Variants in ARRDC1 observed in about 807,000 individuals in gnomAD.
The protein encoded by ARRDC1 is arrestin domain-containing protein 1.
In ARRDC1, 37 loss-of-function variants were observed where a neutral mutation model predicts 40.1. The observed-to-expected ratio is 0.92, with a 90% confidence interval of 0.71 to 1.21. The LOEUF (loss-of-function observed/expected upper bound fraction) is 1.21, where lower values mean the gene tolerates loss of function less well. ARRDC1 is among the 50% of genes most tolerant of loss of function. The pLI is 0.00. For missense variants in ARRDC1, 641 were observed against 581.9 expected, an observed-to-expected ratio of 1.10 and a Z score of -1.04; for synonymous variants, 310 against 262.5, an observed-to-expected ratio of 1.18 and a Z score of -1.75.
chr9:137,606,172 C>G (rs567985915), intron 1 of ARRDC1, among the ~76,000 whole-genome samples: 1 of 152,064 alleles, frequency 6.6e-6, no homozygotes, highest in South Asian at 2.1e-4. Context: ...CACCCTGGCT[C>G]CCGGCGCAGG....
intron 2 of ARRDC1, chr9:137,613,243 C>A: frequency 1.3e-6 from 1 of 742,028 alleles, no homozygotes; most frequent in Non-Finnish European, 2.3e-6. Context: ...CTGTTTCACC[C>A]TTGCCCCATT....
rs1303910348 is a variant in ARRDC1 at position 137,612,926 on chromosome 9, G to C, written c.149G>C (p.Gly50Ala). Residue 50 changes from glycine (G) to alanine (A), a missense_variant, in exon 2 of 8, where the codon GGG becomes GCG. By Grantham distance (60) the Gly-to-Ala change is moderately conservative (BLOSUM62 0). Transcript: ENST00000371421. ...CGGGTGACCTGCATAGGTTCCTGCGGGGTCTCCAACAAGGCTAATGACACA... is the reference window on the plus strand; with the variant it reads ...CGGGTGACCTGCATAGGTTCCTGCGCGGTCTCCAACAAGGCTAATGACACA... ...AIRVTCIGSCGVSNKANDTAW... is the reference protein window; with the variant it reads ...AIRVTCIGSCAVSNKANDTAW... 6.2e-7 allele frequency: 1 copy of C among 1,613,982 alleles called. No individual in the cohort carries two copies. Among genetic ancestry groups the C allele is most frequent in the African/African-American group, 1.3e-5 (1 of 74,930 alleles).
rs1171622074 is a variant in ARRDC1 at position 137,613,837 on chromosome 9, G to A, written c.435+68G>A. 8.8e-6 allele frequency: 14 copies of A among 1,590,330 alleles called. No individual in the cohort carries two copies. In the East Asian group the frequency reaches 3.1e-4, roughly 36 times the overall value. The stretch of plus-strand genomic sequence containing the variant: ...ATGGAGGCTGGGGAAGAGCTGGGCA[G>A]GCACTGCTTCATCCCAGCGTCCTGT... On this transcript the variant is annotated intron_variant, in intron 4 of 7. Transcript: ENST00000371421.
intron 1 of ARRDC1, among the ~76,000 whole-genome samples, chr9:137,606,801 G>T (rs985615708): frequency 6.6e-6 from 1 of 152,252 alleles, no homozygotes; most frequent in Non-Finnish European, 1.5e-5. Flanking sequence ...GCCGTGGCAG[G>T]GCAGAGATAG....
chr9:137,614,240 A>C (rs1170778855), intron 5 of ARRDC1, 26 bp downstream of exon 5: 1 of 1,579,166 alleles, frequency 6.3e-7, no homozygotes, highest in Non-Finnish European at 8.6e-7. Context: ...AGTTGCCTGG[A>C]CCGGCCTCCT....
chr9:137,611,268 G>A (rs1393498594), intron 1 of ARRDC1, among the ~76,000 whole-genome samples: 1 of 152,214 alleles, frequency 6.6e-6, no homozygotes, highest in Non-Finnish European at 1.5e-5. Context: ...TCAGAGCAGA[G>A]CTGGGTACCG....
At chr9:137,605,940 CTG>C in intron 1 of ARRDC1, 105 bp downstream of exon 1, 1 of 629,284 alleles carries the variant, frequency 1.6e-6, no homozygotes, top group Non-Finnish European at 2.2e-6. Flanking sequence ...CGCGGAGTCG[CTG>C]TCTTCGCCGC....
In ARRDC1 at chr9:137,614,020, C is replaced by G; in HGVS notation, c.436-12C>G. 1.2e-6 allele frequency: 2 copies of G among 1,613,340 alleles called. No individual in the cohort carries two copies. Among genetic ancestry groups the G allele is most frequent in the Non-Finnish European group, 1.7e-6 (2 of 1,179,832 alleles). ...CACACCTGCTAAGCCCCTCCCTGGC[C>G]CTCCCCCCAAGCAACCCAACGTGGC... On this transcript the variant is annotated splice_polypyrimidine_tract_variant and intron_variant, in intron 4 of 7. Transcript: ENST00000371421.
intron 1 of ARRDC1, among the ~76,000 whole-genome samples, chr9:137,611,216 C>T (rs537769210): frequency 1.5e-3 from 228 of 152,300 alleles, no homozygotes; most frequent in African/African-American, 5.4e-3. Flanking sequence ...AGTATGGGGT[C>T]TGGCCCGAGG....
Position 137,614,807 on chromosome 9 carries a change from C to T in ARRDC1, c.1044C>T (p.Thr348=). 5 of 1,613,138 alleles carry T rather than the reference C, an allele frequency of 3.1e-6. No homozygotes were observed. The highest frequency in any genetic ancestry group is 1.7e-5 in the Admixed American group (1 of 59,980). The change falls in exon 7 of 8, where the codon ACC becomes ACT. Residue 348 remains threonine, a synonymous_variant. Coordinates refer to ENST00000371421, the MANE Select transcript of ARRDC1 (RefSeq NM_152285.4). Reference sequence around the variant, plus strand: ...CGCAGCGGCAGCCCCTGCTGGCCACCTTGAGTTCTGTGCCTGGTGCGCCGG... The same window carrying T: ...CGCAGCGGCAGCCCCTGCTGGCCACTTTGAGTTCTGTGCCTGGTGCGCCGG... ...SHSQRQPLLA[T]LSSVPGAPEP...
chr9:137,611,135 ATG>A (rs1842508468), intron 1 of ARRDC1, among the ~76,000 whole-genome samples: 4 of 152,178 alleles, frequency 2.6e-5, no homozygotes. Context: ...GCTCATGCCC[ATG>A]TGCTTCTGTT....
rs1328121124 is a variant in ARRDC1, at chr9:137,613,499, T to C, written c.269T>C (p.Phe90Ser). ...GGAGAGCACAGCTTCCCCTTCCAGTTCCTGCTTCCTGGTGAGAGCCCAGCC... is the reference window on the plus strand; with the variant it reads ...GGAGAGCACAGCTTCCCCTTCCAGTCCCTGCTTCCTGGTGAGAGCCCAGCC... ...PAGEHSFPFQ[F>S]LLPATAPTSF... is the part of the protein sequence containing the mutation. Residue 90 changes from phenylalanine to serine, a missense_variant, in exon 3 of 8, where the codon TTC becomes TCC. By Grantham distance (155) the Phe-to-Ser change is radical (BLOSUM62 -2). Transcript: ENST00000371421. The C allele has an allele frequency of 1.9e-6, 3 of 1,613,608 alleles. No homozygotes were observed. The highest frequency in any genetic ancestry group is 2.5e-6 in the Non-Finnish European group (3 of 1,179,942).
In ARRDC1 at chr9:137,613,681, A is replaced by G; in HGVS notation, c.347A>G (p.His116Arg). 1 of 1,614,234 alleles carries G rather than the reference A, an allele frequency of 6.2e-7. No individual in the cohort carries two copies. The highest frequency in any genetic ancestry group is 1.3e-5 in the African/African-American group (1 of 75,066). The change falls in exon 4 of 8, where the codon CAC becomes CGC. Residue 116 changes from histidine (H) to arginine (R), a missense_variant. Coordinates refer to ENST00000371421, the MANE Select transcript of ARRDC1 (RefSeq NM_152285.4). ...KIVHQVRAAIHTPRFSKDHKC... is the reference protein window; with the variant it reads ...KIVHQVRAAIRTPRFSKDHKC... The stretch of plus-strand genomic sequence containing the variant: ...GTGCACCAGGTGAGGGCCGCCATCC[A>G]CACGCCACGGTTTTCCAAGGATCAC...
Position 137,613,787 on chromosome 9 carries a change from ACCTC to A in ARRDC1, c.435+20_435+23del. ...ACATTGAGGTGAGGATGGCACAGTG[ACCTC>A]CTTGGTGGGTCCCCACCCTCATGGA... On this transcript the variant is annotated intron_variant, in intron 4 of 7. Transcript: ENST00000371421. The A allele has an allele frequency of 6.2e-7, 1 of 1,613,224 alleles. No individual in the cohort carries two copies. Among genetic ancestry groups the A allele is most frequent in the Non-Finnish European group, 8.5e-7 (1 of 1,179,496 alleles).
rs763800488 is a variant in ARRDC1 at position 137,612,939 on chromosome 9, G to A, written c.162G>A (p.Lys54=). 1.2e-6 allele frequency: 2 copies of A among 1,614,192 alleles called. No individual in the cohort carries two copies. Residue 54 remains lysine (K), a synonymous_variant, in exon 2 of 8, where the codon AAG becomes AAA. Transcript: ENST00000371421. ...TCIGSCGVSN[K]ANDTAWVVEE... ...TAGGTTCCTGCGGGGTCTCCAACAA[G>A]GCTAATGACACAGCGTGGGTAGTGG...
chr9:137,614,716 A>C lies in ARRDC1; in HGVS notation c.953A>C (p.Glu318Ala), dbSNP rs557067095. The C allele has an allele frequency of 9.9e-6, 16 of 1,609,348 alleles. No homozygotes were observed. In the East Asian group the frequency reaches 2.2e-4, roughly 22 times the overall value. The change falls in exon 7 of 8, where the codon GAG (glutamate) becomes GCG (alanine). Residue 318 changes from glutamate to alanine, a missense_variant. Transcript: ENST00000371421. ...VPSAPPQEEA[E>A]AEAAAGGPHF... The stretch of plus-strand genomic sequence containing the variant: ...TCCGCACCACCCCAGGAGGAGGCTG[A>C]GGCTGAGGCTGCGGCTGGCGGCCCC...
At chr9:137,606,156 T>C (rs548230987) in intron 1 of ARRDC1, among the ~76,000 whole-genome samples, 332 of 151,562 alleles carry the variant, frequency 2.2e-3, no homozygotes, top group African/African-American at 7.7e-3. Flanking sequence ...GCTGGGCTCC[T>C]TCCCGCACCC....
At position 137,615,240 on chromosome 9, in the gene ARRDC1, C is replaced by G. The variant is rs1842652582; in HGVS notation, c.*102C>G. The G allele has an allele frequency of 3.5e-6, 4 of 1,132,678 alleles. No individual in the cohort carries two copies. The highest frequency in any genetic ancestry group is 4.8e-6 in the Non-Finnish European group (4 of 838,110). The allele number at this position is 1,132,678 out of a possible 1,614,324, so 70.2% of individuals were successfully genotyped here. On this transcript the variant is annotated 3_prime_UTR_variant, in exon 8 of 8. Transcript: ENST00000371421. The stretch of plus-strand genomic sequence containing the variant: ...TGGCCTAGCCTGGCCCACTCAGGAC[C>G]TGCCCAGCCTCTGCCAGCTCCTCTG...
At chr9:137,613,793 T>C in intron 4 of ARRDC1, 24 bp downstream of exon 4, 1 of 1,612,964 alleles carries the variant, frequency 6.2e-7, no homozygotes, top group Non-Finnish European at 8.5e-7. Flanking sequence ...AGTGACCTCC[T>C]TGGTGGGTCC....
Sources: gnomAD v4.1 joint callset for allele counts (sites outside exome capture counted in the v4.1 genomes callset) on GRCh38, gnomAD v4.1.1 for gene constraint, MANE v1.5 for transcripts, NCBI Gene and HGNC (gene_info 2026-07-23, HGNC 2026-07-21) for gene names.